Variants in DPP4 observed in about 807,000 individuals in gnomAD.
DPP4 encodes dipeptidyl peptidase 4.
DPP4 carries 93 observed loss-of-function variants against 122.4 expected under a neutral mutation model. The observed-to-expected ratio is 0.76, with a 90% CI of 0.64 to 0.90. The LOEUF is 0.90. Ranked by LOEUF, DPP4 falls within the 40% of genes least tolerant of loss-of-function variation. The pLI is 0.00. For missense variants in DPP4, 914 were observed against 907.3 expected (o/e 1.01, Z -0.09); for synonymous variants, 321 against 302.9 (o/e 1.06, Z -0.62).
chr2:162,041,437 T>C (rs906745409), intron 5 of DPP4, among the ~76,000 whole-genome samples: 1 of 152,114 alleles, frequency 6.6e-6, no homozygotes, highest in Non-Finnish European at 1.5e-5. Context: ...GAAATAGGTA[T>C]CCCAAGGACA....
intron 23 of DPP4, among the ~76,000 whole-genome samples, chr2:162,002,673 AAGAG>A (rs112312472): frequency 0.047 from 7,017 of 150,480 alleles, 536 homozygotes; most frequent in African/African-American, 0.16. Context: ...GAAAAAGAGG[AAGAG>A]AGAGAGAGAG....
intron 2 of DPP4, among the ~76,000 whole-genome samples, chr2:162,068,342 T>C (rs1685014116): frequency 6.6e-6 from 1 of 152,240 alleles, no homozygotes; most frequent in South Asian, 2.1e-4. Flanking sequence ...GCTGACAGAA[T>C]GATATGGAGT....
intron 2 of DPP4, among the ~76,000 whole-genome samples, chr2:162,055,981 G>A (rs1399475682): frequency 2.0e-5 from 3 of 152,140 alleles, no homozygotes; most frequent in African/African-American, 7.2e-5. Flanking sequence ...GCTCATGCCT[G>A]CCTCAGAGAC....
Position 162,019,377 on chromosome 2 carries a change from C to T in DPP4, c.1245-101G>A, listed in dbSNP as rs1415247531. The stretch of plus-strand genomic sequence containing the variant: ...CCCAAGCCTAAGTGTGCACGGAGCG[C>T]GCGCACGGGTGCCCGCCGCCCTCCG... On this transcript the variant is annotated intron_variant, in intron 14 of 25. Coordinates refer to ENST00000360534, the MANE Select transcript of DPP4 (RefSeq NM_001935.4). 7 of 768,942 alleles carry T rather than the reference C, an allele frequency of 9.1e-6. No individual in the cohort carries two copies. The East Asian group carries it at 2.1e-4, about 23-fold the overall frequency. 47.6% of individuals were successfully genotyped at this position (768,942 alleles called of 1,614,324 possible).
At chr2:162,020,413 G>A (rs1387858894) in intron 13 of DPP4, 117 bp from the exon 14 acceptor site, 1 of 1,090,212 alleles carries the variant, frequency 9.2e-7, no homozygotes, top group Non-Finnish European at 1.3e-6. Flanking sequence ...GGATTTTCTT[G>A]TTGGGTTTCC....
intron 14 of DPP4, among the ~76,000 whole-genome samples, chr2:162,020,003 A>G (rs1486265372): frequency 6.6e-6 from 1 of 152,210 alleles, no homozygotes; most frequent in Non-Finnish European, 1.5e-5. Context: ...CTTGTAATGT[A>G]AAGCAGGTAA....
chr2:162,030,644 T>A (rs1214677304), intron 10 of DPP4, among the ~76,000 whole-genome samples: 5 of 152,170 alleles, frequency 3.3e-5, no homozygotes, highest in African/African-American at 9.7e-5. Context: ...TATCATCATG[T>A]ACTAGAGCAT....
intron 18 of DPP4, among the ~76,000 whole-genome samples, chr2:162,016,051 A>G (rs1463092922): frequency 6.6e-6 from 1 of 152,220 alleles, no homozygotes; most frequent in Non-Finnish European, 1.5e-5. Flanking sequence ...CGAGGATGCT[A>G]TACTTTCCTG....
At chr2:162,027,052 A>G (rs1683356032) in intron 10 of DPP4, among the ~76,000 whole-genome samples, 1 of 152,136 alleles carries the variant, frequency 6.6e-6, no homozygotes, top group Admixed American at 6.5e-5. Flanking sequence ...ATTTCATTAA[A>G]CTTTCATGTA....
rs1390098896 is a variant in DPP4, at chr2:162,054,029, G to C, written c.95-6528C>G. ...GGCCGTGCCCAGCAAAGCCTTACTGGGGGGGTGGGGGTGGTCCTCTGAGGC... is the reference window on the plus strand; with the variant it reads ...GGCCGTGCCCAGCAAAGCCTTACTGCGGGGGTGGGGGTGGTCCTCTGAGGC... On this transcript the variant is annotated intron_variant, in intron 2 of 25. Coordinates refer to ENST00000360534, the MANE Select transcript of DPP4 (RefSeq NM_001935.4). 2.0e-5 allele frequency among the ~76,000 whole-genome samples: 3 copies of C among 152,206 alleles called. No individual in the cohort carries two copies. The South Asian group carries it at 6.2e-4, about 31-fold the overall frequency.
At chr2:162,024,494 C>T (rs937975251) in intron 11 of DPP4, among the ~76,000 whole-genome samples, 1 of 152,156 alleles carries the variant, frequency 6.6e-6, no homozygotes. Context: ...CAGGTGCTGG[C>T]CCTCTTTGGT....
At chr2:161,998,136 G>A (rs547062191) in intron 23 of DPP4, among the ~76,000 whole-genome samples, 2 of 152,240 alleles carry the variant, frequency 1.3e-5, no homozygotes, top group East Asian at 1.9e-4. Context: ...TTGTGACTAC[G>A]CAAGTGACGT....
intron 25 of DPP4, among the ~76,000 whole-genome samples, chr2:161,994,398 T>TA (rs371500456): frequency 1.9e-3 from 284 of 152,326 alleles, no homozygotes; most frequent in African/African-American, 6.6e-3. Flanking sequence ...TTTGACATAA[T>TA]ACGTAGAAAT....
intron 2 of DPP4, among the ~76,000 whole-genome samples, chr2:162,055,514 T>C (rs1305604359): frequency 6.6e-6 from 1 of 151,824 alleles, no homozygotes; most frequent in Non-Finnish European, 1.5e-5. Flanking sequence ...CTGGGCAACA[T>C]GGTGAAACCC....
In DPP4 at chr2:161,996,695, C is replaced by T. The variant is rs532550302; in HGVS notation, c.2053-1323G>A. Among the ~76,000 whole-genome samples the T allele has an allele frequency of 5.9e-5, 9 of 152,314 alleles. No homozygotes were observed. The East Asian group carries it at 1.5e-3, about 26-fold the overall frequency. ...AAGATATTTTGAGAGAGAGAGACTACACTCAATTAACTTTTATTACAGTTT... is the reference window on the plus strand; with the variant it reads ...AAGATATTTTGAGAGAGAGAGACTATACTCAATTAACTTTTATTACAGTTT... On this transcript the variant is annotated intron_variant, in intron 23 of 25. Coordinates refer to ENST00000360534, the MANE Select transcript of DPP4 (RefSeq NM_001935.4).
chr2:162,003,813 G>T (rs543626869), intron 23 of DPP4, among the ~76,000 whole-genome samples: 1 of 152,136 alleles, frequency 6.6e-6, no homozygotes, highest in Non-Finnish European at 1.5e-5. Context: ...TCCTAAAGGC[G>T]AAGGCAAAGA....
At chr2:161,995,413 C>G in intron 23 of DPP4, 41 bp from the exon 24 acceptor site, 1 of 1,551,462 alleles carries the variant, frequency 6.4e-7, no homozygotes. Context: ...AAAAAAGGAT[C>G]TGCCATAAAC....
chr2:162,006,041 G>A (rs1701275996), intron 22 of DPP4, among the ~76,000 whole-genome samples: 1 of 152,106 alleles, frequency 6.6e-6, no homozygotes. Context: ...CTAATTCCCA[G>A]ATCCCTGCAT....
chr2:162,009,112 C>T (rs1701354447), intron 21 of DPP4, 129 bp downstream of exon 21: 5 of 917,054 alleles, frequency 5.5e-6, no homozygotes, highest in South Asian at 2.9e-5. Flanking sequence ...TGCAGAGTTA[C>T]TGCCCAGAGA....
Sources: allele counts gnomAD v4.1 joint callset (sites outside exome capture counted in the v4.1 genomes callset), GRCh38; gene constraint gnomAD v4.1.1; transcripts MANE v1.5; gene names NCBI Gene and HGNC (gene_info 2026-07-23, HGNC 2026-07-21).